PRORP: variants seen among roughly 807,000 people sequenced by gnomAD.
The protein encoded by PRORP is protein only RNase P catalytic subunit, also known as mitochondrial ribonuclease P catalytic subunit.
PRORP carries 51 observed loss-of-function variants against 59.4 expected under a neutral mutation model. The observed-to-expected ratio is 0.86, with a 90% CI of 0.69 to 1.08. The LOEUF (loss-of-function observed/expected upper bound fraction) is 1.08, where lower values mean the gene tolerates loss of function less well. PRORP is among the 50% of genes least tolerant of loss of function. PRORP has a pLI of 0.00. For missense variants in PRORP, 646 were observed against 690.3 expected, an observed-to-expected ratio of 0.94 and a Z score of 0.72; for synonymous variants, 231 against 245.6, an observed-to-expected ratio of 0.94 and a Z score of 0.55.
At chr14:35,229,861 C>A (rs2138487420) in intron 5 of PRORP, among the ~76,000 whole-genome samples, 1 of 152,112 alleles carries the variant, frequency 6.6e-6, no homozygotes, top group Non-Finnish European at 1.5e-5. Context: ...TTTTCTTTCA[C>A]CATCGCCTGA....
intron 4 of PRORP, among the ~76,000 whole-genome samples, chr14:35,172,689 A>G (rs555630711): frequency 1.3e-5 from 2 of 151,194 alleles, no homozygotes; most frequent in Non-Finnish European, 2.9e-5. Flanking sequence ...AGCTGAGACT[A>G]CAGGTATGCA....
At chr14:35,130,955 T>C (rs1169084838) in intron 4 of PRORP, among the ~76,000 whole-genome samples, 1 of 148,968 alleles carries the variant, frequency 6.7e-6, no homozygotes. Flanking sequence ...TTCTTCTTCT[T>C]CTTTTTTTTT....
At chr14:35,129,595 C>T (rs1450630440) in intron 4 of PRORP, among the ~76,000 whole-genome samples, 1 of 151,872 alleles carries the variant, frequency 6.6e-6, no homozygotes, top group Non-Finnish European at 1.5e-5. Flanking sequence ...CTGCCTCAGC[C>T]TCTTGAGTAA....
chr14:35,166,666 T>C (rs2048193058), intron 4 of PRORP, among the ~76,000 whole-genome samples: 1 of 152,124 alleles, frequency 6.6e-6, no homozygotes, highest in Non-Finnish European at 1.5e-5. Context: ...TTGAGCAGGA[T>C]GGTCTTGATC....
At chr14:35,262,016 T>G (rs2050917180) in intron 5 of PRORP, among the ~76,000 whole-genome samples, 1 of 152,170 alleles carries the variant, frequency 6.6e-6, no homozygotes, top group Non-Finnish European at 1.5e-5. Flanking sequence ...TGGGCCCCAG[T>G]CTTTAATGTA....
At chr14:35,214,316 A>G (rs928266136) in intron 5 of PRORP, among the ~76,000 whole-genome samples, 25 of 152,200 alleles carry the variant, frequency 1.6e-4, no homozygotes, top group African/African-American at 6.0e-4. Context: ...ATGAAATTGT[A>G]GGAGTTTAGA....
chr14:35,163,088 C>A (rs1235599705), intron 4 of PRORP, among the ~76,000 whole-genome samples: 1 of 151,980 alleles, frequency 6.6e-6, no homozygotes, highest in African/African-American at 2.4e-5. Context: ...GGTTCTGGCA[C>A]TTTCTTTAAT....
intron 5 of PRORP, among the ~76,000 whole-genome samples, chr14:35,240,670 T>C (rs1218268869): frequency 6.6e-6 from 1 of 152,198 alleles, no homozygotes; most frequent in Non-Finnish European, 1.5e-5. Flanking sequence ...TTTAATATCT[T>C]CACCTATTGA....
intron 5 of PRORP, among the ~76,000 whole-genome samples, chr14:35,181,306 A>G (rs1411440629): frequency 1.3e-5 from 2 of 152,136 alleles, no homozygotes; most frequent in East Asian, 3.8e-4. Context: ...CATAGCTGCA[A>G]TTAACAGTTA....
intron 5 of PRORP, among the ~76,000 whole-genome samples, chr14:35,191,197 T>A (rs1222745662): frequency 6.6e-6 from 1 of 152,172 alleles, no homozygotes; most frequent in Non-Finnish European, 1.5e-5. Flanking sequence ...GCAGTTTCCC[T>A]CATACTGTTC....
intron 5 of PRORP, among the ~76,000 whole-genome samples, chr14:35,185,818 C>T (rs1258795174): frequency 6.6e-6 from 1 of 152,134 alleles, no homozygotes; most frequent in African/African-American, 2.4e-5. Flanking sequence ...TGATTTAGAA[C>T]AGAACAGCCT....
chr14:35,268,612 T>C (rs2051107256), intron 6 of PRORP, among the ~76,000 whole-genome samples: 1 of 152,186 alleles, frequency 6.6e-6, no homozygotes, highest in Admixed American at 6.5e-5. Context: ...ATTTATTTTA[T>C]TGAGACGGAG....
At chr14:35,200,665 A>G (rs181695992) in intron 5 of PRORP, among the ~76,000 whole-genome samples, 7 of 151,652 alleles carry the variant, frequency 4.6e-5, no homozygotes, top group African/African-American at 1.7e-4. Context: ...AATTATATAT[A>G]TGTTATATAT....
In PRORP at chr14:35,123,691, C is replaced by T. The variant is rs747777191; in HGVS notation, c.446C>T (p.Ala149Val). 1 of 1,614,190 alleles carries T rather than the reference C, an allele frequency of 6.2e-7. No homozygotes were observed. Among genetic ancestry groups the T allele is most frequent in the Non-Finnish European group, 8.5e-7 (1 of 1,180,032 alleles). The change falls in exon 2 of 8, where the codon GCT (alanine) becomes GTT (valine). Residue 149 changes from alanine (A) to valine (V), a missense_variant. Transcript: ENST00000534898. The part of the protein sequence containing the change: ...SFESWIISQM[A>V]GCHSSIDVAK... ...GAAAGTTGGATCATTTCACAGATGG[C>T]TGGCTGTCATAGCTCTATAGATGTG...
At chr14:35,228,810 T>G (rs1019696878) in intron 5 of PRORP, among the ~76,000 whole-genome samples, 1 of 152,208 alleles carries the variant, frequency 6.6e-6, no homozygotes, top group African/African-American at 2.4e-5. Flanking sequence ...TTATTTTTAA[T>G]ATATACCCAG....
At chr14:35,168,651 C>T (rs1566471877) in intron 4 of PRORP, among the ~76,000 whole-genome samples, 2 of 151,940 alleles carry the variant, frequency 1.3e-5, no homozygotes, top group Non-Finnish European at 2.9e-5. Context: ...ACATGTCTGT[C>T]AATTTGGGTT....
At chr14:35,237,597 A>C (rs1306414352) in intron 5 of PRORP, among the ~76,000 whole-genome samples, 5 of 152,130 alleles carry the variant, frequency 3.3e-5, no homozygotes, top group African/African-American at 4.8e-5. Flanking sequence ...GACTAGGGAG[A>C]TATCTGAATA....
intron 5 of PRORP, among the ~76,000 whole-genome samples, chr14:35,186,988 T>C (rs536965523): frequency 2.0e-5 from 3 of 152,310 alleles, no homozygotes; most frequent in Middle Eastern, 6.8e-3. Flanking sequence ...GGAATCAGTA[T>C]TTCATTCCCT....
chr14:35,277,067 C>G lies in PRORP; in HGVS notation c.*3501C>G, dbSNP rs564633863. 3 of 151,436 alleles carry G rather than the reference C, an allele frequency of 2.0e-5. No homozygotes were observed. In the South Asian group the frequency reaches 6.2e-4, roughly 31 times the overall value. 9.4% of individuals were successfully genotyped at this position (151,436 alleles called of 1,614,324 possible). ...AGACAGAGTCTTGATCTTTTTTCAT[C>G]TAGGCTGGAGTGCAATGGTTTGATC... is the stretch of plus-strand genomic sequence containing the variant. On this transcript the variant is annotated 3_prime_UTR_variant, in exon 8 of 8. Coordinates refer to ENST00000534898, the MANE Select transcript of PRORP (RefSeq NM_014672.4).
Sources: gnomAD v4.1 joint callset for allele counts (sites outside exome capture counted in the v4.1 genomes callset) on GRCh38, gnomAD v4.1.1 for gene constraint, MANE v1.5 for transcripts, NCBI Gene and HGNC (gene_info 2026-07-23, HGNC 2026-07-21) for gene names.